CDK14: variants seen among roughly 807,000 people sequenced by gnomAD.
CDK14 encodes the protein cyclin dependent kinase 14, also known as cyclin-dependent kinase 14.
Under a neutral mutation model 60.7 loss-of-function variants are expected in CDK14, and 34 were observed. That is an observed-to-expected ratio of 0.56 (90% CI 0.43 to 0.75). The LOEUF is 0.75. Ranked by LOEUF, CDK14 falls within the 30% of genes least tolerant of loss-of-function variation. The pLI, the probability that CDK14 is intolerant of heterozygous loss-of-function variation, is 0.00. For missense variants in CDK14, 482 were observed against 564.1 expected, an observed-to-expected ratio of 0.85 and a Z score of 1.47; for synonymous variants, 197 against 203.7, an observed-to-expected ratio of 0.97 and a Z score of 0.28.
intron 2 of CDK14, among the ~76,000 whole-genome samples, chr7:90,613,053 T>C (rs1359246861): frequency 6.6e-6 from 1 of 152,194 alleles, no homozygotes; most frequent in Non-Finnish European, 1.5e-5. Flanking sequence ...TTTTTCCTTT[T>C]TATAAATGTT....
In CDK14 at chr7:90,984,131, C is replaced by T; in HGVS notation, c.948-17C>T. 6.5e-7 allele frequency: 1 copy of T among 1,538,090 alleles called. No homozygotes were observed. Among genetic ancestry groups the T allele is most frequent in the Non-Finnish European group, 9.0e-7 (1 of 1,111,444 alleles). ...AATATATTGAAGTTTTGTAACGATT[C>T]TTTCTTCTCTCTCTAGGGGAGTAGG... On this transcript the variant is annotated splice_polypyrimidine_tract_variant and intron_variant, in intron 9 of 14. Coordinates refer to ENST00000380050, the MANE Select transcript of CDK14 (RefSeq NM_001287135.2).
chr7:90,792,631 C>T (rs1306358645), intron 5 of CDK14, among the ~76,000 whole-genome samples: 1 of 152,172 alleles, frequency 6.6e-6, no homozygotes, highest in East Asian at 1.9e-4. Context: ...TACCTGAAAT[C>T]TGTCCACGTT....
Position 90,596,497 on chromosome 7 carries a change from C to G in CDK14, c.-131C>G. 3 of 691,988 alleles carry G rather than the reference C, an allele frequency of 4.3e-6. No individual in the cohort carries two copies. Among genetic ancestry groups the G allele is most frequent in the Non-Finnish European group, 7.5e-6 (3 of 398,926 alleles). The allele number at this position is 691,988 out of a possible 1,614,324, so 42.9% of individuals were successfully genotyped here. A position where few individuals can be genotyped will look rare whatever the true frequency, so the allele number is the denominator to read the frequency against. Reference sequence around the variant, plus strand: ...TGCTGCTCGCCTCCCTAGACCTGCGCGTCGCTTCCCGGCCCGCCGAGGAGG... The same window carrying G: ...TGCTGCTCGCCTCCCTAGACCTGCGGGTCGCTTCCCGGCCCGCCGAGGAGG... On this transcript the variant is annotated 5_prime_UTR_variant, in exon 1 of 15. Coordinates refer to ENST00000380050, the MANE Select transcript of CDK14 (RefSeq NM_001287135.2).
intron 3 of CDK14, among the ~76,000 whole-genome samples, chr7:90,738,729 C>T (rs962501494): frequency 4.6e-5 from 7 of 152,062 alleles, no homozygotes; most frequent in Non-Finnish European, 7.4e-5. Context: ...GTTTCTCATC[C>T]ATCCACACAC....
intron 2 of CDK14, among the ~76,000 whole-genome samples, chr7:90,687,214 G>T (rs1801456303): frequency 6.6e-6 from 1 of 152,056 alleles, no homozygotes; most frequent in Non-Finnish European, 1.5e-5. Context: ...TGAGAAGTAG[G>T]GAGATTTGAG....
intron 2 of CDK14, among the ~76,000 whole-genome samples, chr7:90,624,530 C>T (rs1348089291): frequency 6.6e-6 from 1 of 152,106 alleles, no homozygotes; most frequent in Admixed American, 6.5e-5. Context: ...GAGCCAACAG[C>T]TCAAACTGTG....
intron 14 of CDK14, among the ~76,000 whole-genome samples, chr7:91,181,958 C>T (rs566061988): frequency 7.8e-4 from 118 of 152,102 alleles, no homozygotes; most frequent in African/African-American, 2.8e-3. Flanking sequence ...GATCATTGTT[C>T]CTATACCTTT....
intron 11 of CDK14, among the ~76,000 whole-genome samples, chr7:91,046,382 G>T (rs896922307): frequency 6.6e-6 from 1 of 152,070 alleles, no homozygotes; most frequent in Non-Finnish European, 1.5e-5. Flanking sequence ...TAAATATATG[G>T]TCTATAATTT....
chr7:90,630,834 A>G lies in CDK14; in HGVS notation c.123+26585A>G, dbSNP rs529810042. On this transcript the variant is annotated intron_variant, in intron 2 of 14. Coordinates refer to ENST00000380050, the MANE Select transcript of CDK14 (RefSeq NM_001287135.2). The stretch of plus-strand genomic sequence containing the variant: ...AAAGTGGTTGCAAGCATCTCACTAC[A>G]TCATTAAATCATTTGGTGGTGTTAT... Among the ~76,000 whole-genome samples the G allele has an allele frequency of 2.4e-4, 36 of 151,442 alleles. No homozygotes were observed. In the South Asian group the frequency reaches 7.5e-3, roughly 32 times the overall value.
At chr7:91,180,707 C>T (rs892859445) in intron 14 of CDK14, among the ~76,000 whole-genome samples, 3 of 151,970 alleles carry the variant, frequency 2.0e-5, no homozygotes, top group East Asian at 3.9e-4. Flanking sequence ...GGAGAAGAAC[C>T]CATGCCAGGG....
chr7:90,785,749 T>G (rs1805550468), intron 4 of CDK14, among the ~76,000 whole-genome samples: 1 of 136,922 alleles, frequency 7.3e-6, no homozygotes, highest in South Asian at 2.2e-4. Context: ...ATCATGCCAT[T>G]GCACCCCAGC....
At chr7:90,998,900 A>G (rs941855506) in intron 10 of CDK14, among the ~76,000 whole-genome samples, 1 of 151,664 alleles carries the variant, frequency 6.6e-6, no homozygotes, top group African/African-American at 2.4e-5. Flanking sequence ...AAAATAAAAT[A>G]AATAAATAAA....
chr7:90,776,216 T>C (rs1805039202), intron 4 of CDK14, among the ~76,000 whole-genome samples: 1 of 152,206 alleles, frequency 6.6e-6, no homozygotes, highest in African/African-American at 2.4e-5. Context: ...TTTGCCTTAC[T>C]TTTGTTTAGA....
Position 90,596,719 on chromosome 7 carries a change from G to T in CDK14, c.91+1G>T. On this transcript the variant is annotated splice_donor_variant, in intron 1 of 14. Coordinates refer to ENST00000380050, the MANE Select transcript of CDK14 (RefSeq NM_001287135.2). LOFTEE classifies it high-confidence loss of function. ...TTGTCGGAGAGTTTCAGTCGCATTG[G>T]TGAGTAGCGCGCTGCCCCCGGCCCC... is the stretch of plus-strand genomic sequence containing the variant. The T allele has an allele frequency of 6.2e-7, 1 of 1,610,224 alleles. No individual in the cohort carries two copies.
intron 4 of CDK14, among the ~76,000 whole-genome samples, chr7:90,771,604 G>C (rs1266789469): frequency 6.6e-6 from 1 of 152,236 alleles, no homozygotes; most frequent in Non-Finnish European, 1.5e-5. Context: ...AATATGTGCT[G>C]ATTGGTTTAT....
chr7:91,111,515 A>G lies in CDK14; in HGVS notation c.1155-1027A>G, dbSNP rs561238374. On this transcript the variant is annotated intron_variant, in intron 12 of 14. Transcript: ENST00000380050. The stretch of plus-strand genomic sequence containing the variant: ...TGCCTTTAAAATAACCTGTGAGAGA[A>G]AGAGAGCATGGCATATGCAAACCAC... Among the ~76,000 whole-genome samples the G allele has an allele frequency of 2.0e-5, 3 of 152,280 alleles. No homozygotes were observed. The South Asian group carries it at 6.2e-4, about 32-fold the overall frequency.
intron 11 of CDK14, among the ~76,000 whole-genome samples, chr7:91,071,193 T>C (rs1341779575): frequency 6.6e-6 from 1 of 152,218 alleles, no homozygotes; most frequent in Non-Finnish European, 1.5e-5. Context: ...CAGGGTCTTT[T>C]TCTTTAAGCA....
chr7:91,032,678 C>A (rs1796795755), intron 10 of CDK14, among the ~76,000 whole-genome samples: 1 of 152,146 alleles, frequency 6.6e-6, no homozygotes, highest in Non-Finnish European at 1.5e-5. Context: ...TCCCCTAAAC[C>A]CCCCAGAGGG....
intron 14 of CDK14, among the ~76,000 whole-genome samples, chr7:91,158,976 A>G (rs1476705972): frequency 6.6e-6 from 1 of 152,248 alleles, no homozygotes; most frequent in Non-Finnish European, 1.5e-5. Flanking sequence ...TTTAATAGCC[A>G]ACAAATGTGA....
Sources: gnomAD v4.1 joint callset for allele counts (sites outside exome capture counted in the v4.1 genomes callset) on GRCh38, gnomAD v4.1.1 for gene constraint, MANE v1.5 for transcripts, NCBI Gene and HGNC (gene_info 2026-07-23, HGNC 2026-07-21) for gene names.